CDK14: variants seen among roughly 807,000 people sequenced by gnomAD.
The protein encoded by CDK14 is cyclin-dependent kinase 14.
CDK14 carries 34 observed loss-of-function variants against 60.7 expected under a neutral mutation model. The ratio of observed to expected loss-of-function variants is 0.56; its 90% CI spans 0.43 to 0.75. CDK14 has a LOEUF of 0.75. Ranked by LOEUF, CDK14 falls within the 30% of genes least tolerant of loss-of-function variation. CDK14 has a pLI of 0.00. For synonymous variants in CDK14, 197 were observed against 203.7 expected, an observed-to-expected ratio of 0.97 and a Z score of 0.28; for missense variants, 482 against 564.1, an observed-to-expected ratio of 0.85 and a Z score of 1.47.
intron 8 of CDK14, among the ~76,000 whole-genome samples, chr7:90,930,529 C>CTTTTTTT (rs61187542): frequency 4.9e-5 from 4 of 81,386 alleles, no homozygotes; most frequent in African/African-American, 1.2e-4. Context: ...ACAGGCTAAG[C>CTTTTTTT]TTTTTTTTTT....
In CDK14 at chr7:90,601,735, T is replaced by C. The variant is rs185842865; in HGVS notation, c.92-2483T>C. Among the ~76,000 whole-genome samples, 9 of 152,252 alleles carry C rather than the reference T, an allele frequency of 5.9e-5. No homozygotes were observed. In the East Asian group the frequency reaches 1.5e-3, roughly 26 times the overall value. On this transcript the variant is annotated intron_variant, in intron 1 of 14. Coordinates refer to ENST00000380050, the MANE Select transcript of CDK14 (RefSeq NM_001287135.2). Reference sequence around the variant, plus strand: ...GAGGGTCTTCATTCCATATTTGCAGTTCCCTAAGGGATAGTATCTTTTTTT... The same window carrying C: ...GAGGGTCTTCATTCCATATTTGCAGCTCCCTAAGGGATAGTATCTTTTTTT...
intron 5 of CDK14, among the ~76,000 whole-genome samples, chr7:90,826,222 T>G (rs1789717266): frequency 6.6e-6 from 1 of 152,116 alleles, no homozygotes. Flanking sequence ...TTATTTATAT[T>G]TATTTATTTT....
chr7:90,663,995 G>A (rs1241314080), intron 2 of CDK14, among the ~76,000 whole-genome samples: 1 of 151,958 alleles, frequency 6.6e-6, no homozygotes, highest in Non-Finnish European at 1.5e-5. Flanking sequence ...TACCATCAGA[G>A]TGAACAGGCA....
At chr7:91,045,854 G>A (rs1332156697) in intron 10 of CDK14, 43 bp from the exon 11 acceptor site, 2 of 1,288,988 alleles carry the variant, frequency 1.6e-6, no homozygotes. Flanking sequence ...TGAGTGCTTT[G>A]GAAATAATAA....
In CDK14 at chr7:90,942,978, G is replaced by GT. The variant is rs918708491; in HGVS notation, c.827-12710dup. Among the ~76,000 whole-genome samples the GT allele has an allele frequency of 3.2e-4, 49 of 151,470 alleles. No homozygotes were observed. The South Asian group carries it at 3.8e-3, about 12-fold the overall frequency. ...TATTTTTATACTTCTGCCTGTCAAG[G>GT]TTTTTTTTTAAAAAAAACTGTCGAG... On this transcript the variant is annotated intron_variant, in intron 8 of 14. Transcript: ENST00000380050.
chr7:90,628,742 G>A (rs1799930142), intron 2 of CDK14, among the ~76,000 whole-genome samples: 2 of 152,202 alleles, frequency 1.3e-5, no homozygotes, highest in African/African-American at 4.8e-5. Context: ...GACTCAAGGC[G>A]GGAGGATCAT....
At chr7:90,750,821 T>A (rs1803809780) in intron 4 of CDK14, among the ~76,000 whole-genome samples, 1 of 151,104 alleles carries the variant, frequency 6.6e-6, no homozygotes, top group Admixed American at 6.6e-5. Flanking sequence ...TGCAGTGAGC[T>A]GAGATCACAC....
chr7:90,626,159 A>G (rs1799871950), intron 2 of CDK14, among the ~76,000 whole-genome samples: 2 of 152,132 alleles, frequency 1.3e-5, no homozygotes, highest in African/African-American at 4.8e-5. Context: ...AGGTTTAGTT[A>G]TTTGAATGCC....
At chr7:90,931,799 T>C (rs1444201021) in intron 8 of CDK14, among the ~76,000 whole-genome samples, 1 of 152,114 alleles carries the variant, frequency 6.6e-6, no homozygotes, top group African/African-American at 2.4e-5. Context: ...TGTGTGTGTG[T>C]GTTTTGGTGA....
At chr7:91,159,997 G>C (rs184377406) in intron 14 of CDK14, among the ~76,000 whole-genome samples, 1 of 152,232 alleles carries the variant, frequency 6.6e-6, no homozygotes, top group Admixed American at 6.5e-5. Flanking sequence ...CATTTTTACT[G>C]GTTAACAGCT....
At chr7:91,132,523 A>G (rs1323961856) in intron 14 of CDK14, among the ~76,000 whole-genome samples, 1 of 152,162 alleles carries the variant, frequency 6.6e-6, no homozygotes, top group Non-Finnish European at 1.5e-5. Flanking sequence ...TCACAGACAG[A>G]AGAACCAAAA....
At chr7:90,739,619 G>T (rs375423354) in intron 3 of CDK14, among the ~76,000 whole-genome samples, 1 of 152,094 alleles carries the variant, frequency 6.6e-6, no homozygotes, top group South Asian at 2.1e-4. Context: ...TGGTGACTGT[G>T]TCTTATACTT....
chr7:90,904,789 TG>T (rs1468488169), intron 7 of CDK14, among the ~76,000 whole-genome samples: 1 of 152,056 alleles, frequency 6.6e-6, no homozygotes, highest in Non-Finnish European at 1.5e-5. Flanking sequence ...TTCAGAACAC[TG>T]GGTTCAAAGA....
At chr7:91,063,694 C>T (rs974959532) in intron 11 of CDK14, among the ~76,000 whole-genome samples, 2 of 152,138 alleles carry the variant, frequency 1.3e-5, no homozygotes, top group African/African-American at 4.8e-5. Context: ...GGAGCATCAA[C>T]GTATTTGTGG....
At chr7:91,023,581 T>G (rs550248257) in intron 10 of CDK14, among the ~76,000 whole-genome samples, 1 of 152,198 alleles carries the variant, frequency 6.6e-6, no homozygotes, top group African/African-American at 2.4e-5. Context: ...AGGAGTTCAA[T>G]TATAGGGAAT....
At chr7:90,682,748 TC>T (rs1395569383) in intron 2 of CDK14, among the ~76,000 whole-genome samples, 1 of 152,236 alleles carries the variant, frequency 6.6e-6, no homozygotes, top group Non-Finnish European at 1.5e-5. Flanking sequence ...CTTTTTAGTC[TC>T]CTTTAATTTG....
chr7:90,999,969 C>T (rs1272722180), intron 10 of CDK14, among the ~76,000 whole-genome samples: 1 of 152,174 alleles, frequency 6.6e-6, no homozygotes, highest in Non-Finnish European at 1.5e-5. Context: ...AAAGTAATGA[C>T]TGGGCCATAT....
intron 2 of CDK14, among the ~76,000 whole-genome samples, chr7:90,720,551 A>G (rs374762395): frequency 9.9e-5 from 15 of 152,196 alleles, no homozygotes; most frequent in African/African-American, 3.6e-4. Context: ...ACCTAATTAA[A>G]TTCCCTTAAT....
At chr7:91,191,329 C>A (rs1802355343) in intron 14 of CDK14, among the ~76,000 whole-genome samples, 1 of 151,990 alleles carries the variant, frequency 6.6e-6, no homozygotes, top group Non-Finnish European at 1.5e-5. Context: ...ACTCTATTTT[C>A]TTGGTGCTTG....
Sources: gnomAD v4.1 joint callset for allele counts (sites outside exome capture counted in the v4.1 genomes callset) on GRCh38, gnomAD v4.1.1 for gene constraint, MANE v1.5 for transcripts, NCBI Gene and HGNC (gene_info 2026-07-23, HGNC 2026-07-21) for gene names.